The following VPS41 variants were observed in gnomAD, a reference collection of about 807,000 sequenced individuals.
VPS41 encodes vacuolar protein sorting-associated protein 41 homolog.
In VPS41, 85 loss-of-function variants were observed where a neutral mutation model predicts 130.9. The observed-to-expected ratio is 0.65, with a 90% CI of 0.55 to 0.78. The LOEUF (loss-of-function observed/expected upper bound fraction) is 0.78. VPS41 is among the 30% of genes least tolerant of loss of function. VPS41 has a pLI of 0.00. For synonymous variants in VPS41, 335 were observed against 332.9 expected (o/e 1.01, Z -0.07); for missense variants, 874 against 1,018.7 (o/e 0.86, Z 1.93).
At chr7:38,809,443 A>T (rs1784900864) in intron 7 of VPS41, among the ~76,000 whole-genome samples, 2 of 151,118 alleles carry the variant, frequency 1.3e-5, no homozygotes, top group African/African-American at 2.4e-5. Flanking sequence ...TGGGCAAAAG[A>T]AATAAAATTT....
chr7:38,843,331 C>T (rs1259036738), intron 4 of VPS41, among the ~76,000 whole-genome samples: 1 of 152,122 alleles, frequency 6.6e-6, no homozygotes, highest in East Asian at 1.9e-4. Context: ...TCAGAATTAA[C>T]ATGAGTATGC....
In VPS41 at chr7:38,756,992, C is replaced by T; in HGVS notation, c.1551-10G>A. 1 of 1,574,014 alleles carries T rather than the reference C, an allele frequency of 6.4e-7. No individual in the cohort carries two copies. The highest frequency in any genetic ancestry group is 8.7e-7 in the Non-Finnish European group (1 of 1,148,258). On this transcript the variant is annotated splice_polypyrimidine_tract_variant and intron_variant, in intron 18 of 28. Coordinates refer to ENST00000310301, the MANE Select transcript of VPS41 (RefSeq NM_014396.4). ...CTTGTCATAGGTGTACCTGGTAATA[C>T]AAATTTTTTACATTAATATTCATCA...
intron 7 of VPS41, among the ~76,000 whole-genome samples, chr7:38,804,568 C>T (rs1784802416): frequency 6.6e-6 from 1 of 152,190 alleles, no homozygotes; most frequent in South Asian, 2.1e-4. Flanking sequence ...ACGATCAATT[C>T]AGCAACCAAG....
At chr7:38,859,489 C>T (rs866210803) in intron 4 of VPS41, among the ~76,000 whole-genome samples, 11 of 152,044 alleles carry the variant, frequency 7.2e-5, no homozygotes, top group South Asian at 2.1e-4. Flanking sequence ...ATCTTTTATA[C>T]CATATTTTTA....
At chr7:38,866,795 A>G (rs1188917603) in intron 3 of VPS41, among the ~76,000 whole-genome samples, 1 of 152,232 alleles carries the variant, frequency 6.6e-6, no homozygotes, top group Non-Finnish European at 1.5e-5. Flanking sequence ...GGAGGCAAAC[A>G]AAGGAAAGTG....
intron 4 of VPS41, chr7:38,831,189 G>C (rs544187977): frequency 4.3e-6 from 2 of 470,396 alleles, no homozygotes; most frequent in Non-Finnish European, 8.8e-6. Context: ...ATCGATTTTA[G>C]TCTTGGCAAA....
chr7:38,821,115 A>G, intron 6 of VPS41, 88 bp downstream of exon 6: 2 of 957,906 alleles, frequency 2.1e-6, no homozygotes, highest in Non-Finnish European at 3.3e-6. Context: ...CAAAATTAAT[A>G]CAGAAGTGGT....
rs560574763 is a variant in VPS41, at chr7:38,723,308, A to G, written c.*2938T>C. On this transcript the variant is annotated 3_prime_UTR_variant, in exon 29 of 29. Transcript: ENST00000310301. ...GCAAAATGAACTACAAATCTGTTGGAAACTTCTCAAAAATTCTCAAGGATG... is the reference window on the plus strand; with the variant it reads ...GCAAAATGAACTACAAATCTGTTGGGAACTTCTCAAAAATTCTCAAGGATG... 2 of 152,350 alleles carry G rather than the reference A, an allele frequency of 1.3e-5. No homozygotes were observed. The highest frequency in any genetic ancestry group is 3.4e-3 in the Middle Eastern group (1 of 294). The allele number at this position is 152,350 out of a possible 1,614,324, so 9.4% of individuals were successfully genotyped here. A position where few individuals can be genotyped will look rare whatever the true frequency, so the allele number is the denominator to read the frequency against.
At chr7:38,735,503 G>T (rs1795745752) in intron 25 of VPS41, among the ~76,000 whole-genome samples, 1 of 152,032 alleles carries the variant, frequency 6.6e-6, no homozygotes, top group Non-Finnish European at 1.5e-5. Context: ...GTGTCTCTGT[G>T]TGTGTACATG....
Position 38,772,570 on chromosome 7 carries a change from T to C in VPS41, c.1080A>G (p.Arg360=). The C allele has an allele frequency of 6.2e-7, 1 of 1,613,772 alleles. No homozygotes were observed. Among genetic ancestry groups the C allele is most frequent in the African/African-American group, 1.3e-5 (1 of 75,054 alleles). ...GCCAGTCAATGTGATCATCTTGGTC[T>C]CGTTCCTTGGCCACTACAACATCTC... ...SPRDVVVAKE[R]DQDDHIDWLL... Residue 360 remains arginine, a synonymous_variant, in exon 13 of 29, where the codon CGA becomes CGG. Coordinates refer to ENST00000310301, the MANE Select transcript of VPS41 (RefSeq NM_014396.4).
Position 38,767,442 on chromosome 7 carries a change from A to G in VPS41, c.1247+95T>C. The G allele has an allele frequency of 5.4e-6, 4 of 735,268 alleles. No individual in the cohort carries two copies. In the South Asian group the frequency reaches 7.8e-5, roughly 14 times the overall value. The allele number at this position is 735,268 out of a possible 1,614,324, so 45.5% of individuals were successfully genotyped here. ...ACCCTCGTTAGAAAGATGTACAAAA[A>G]TAAAATGTCAACTGCAAAGAATGGC... On this transcript the variant is annotated intron_variant, in intron 15 of 28. Transcript: ENST00000310301.
At chr7:38,751,401 G>A (rs940118571) in intron 22 of VPS41, among the ~76,000 whole-genome samples, 8 of 152,202 alleles carry the variant, frequency 5.3e-5, no homozygotes, top group Non-Finnish European at 1.2e-4. Context: ...ACATAATACT[G>A]TTGGCTTTTA....
intron 7 of VPS41, among the ~76,000 whole-genome samples, chr7:38,809,222 C>T (rs1178293647): frequency 6.6e-6 from 1 of 151,396 alleles, no homozygotes; most frequent in Admixed American, 6.6e-5. Context: ...TGGTGGCTGA[C>T]GCCTGTAATC....
chr7:38,830,679 A>G (rs1180526620), intron 4 of VPS41, among the ~76,000 whole-genome samples: 2 of 152,194 alleles, frequency 1.3e-5, no homozygotes, highest in Non-Finnish European at 2.9e-5. Flanking sequence ...AGACCTCAAA[A>G]AGGCCACCCA....
intron 4 of VPS41, among the ~76,000 whole-genome samples, chr7:38,840,431 T>C (rs1234197325): frequency 2.6e-5 from 4 of 152,138 alleles, no homozygotes; most frequent in Non-Finnish European, 5.9e-5. Flanking sequence ...TACAATATGC[T>C]TCCCCTTAGG....
rs4236355 is a variant in VPS41 at position 38,776,887 on chromosome 7, G to A, written c.785-111C>T. The A allele has an allele frequency of 0.61, 345,613 of 567,570 alleles. 110,589 individuals carry two copies. The highest frequency in any genetic ancestry group is 0.91 in the East Asian group (32,467 of 35,790). The allele number at this position is 567,570 out of a possible 1,614,324, so 35.2% of individuals were successfully genotyped here. A position where few individuals can be genotyped will look rare whatever the true frequency, so the allele number is the denominator to read the frequency against. ...AGTGGACCCCTTTTTAAAAGCTAACGTAAAGGGGACACCGTTGAACATACT... is the reference window on the plus strand; with the variant it reads ...AGTGGACCCCTTTTTAAAAGCTAACATAAAGGGGACACCGTTGAACATACT... On this transcript the variant is annotated intron_variant, in intron 10 of 28. Coordinates refer to ENST00000310301, the MANE Select transcript of VPS41 (RefSeq NM_014396.4).
At chr7:38,796,116 G>C (rs1784613205) in intron 8 of VPS41, among the ~76,000 whole-genome samples, 1 of 152,156 alleles carries the variant, frequency 6.6e-6, no homozygotes, top group Non-Finnish European at 1.5e-5. Flanking sequence ...GGAGAAGTAA[G>C]AAAAGTCCAG....
At chr7:38,764,220 A>T (rs1304872908) in intron 16 of VPS41, among the ~76,000 whole-genome samples, 1 of 152,200 alleles carries the variant, frequency 6.6e-6, no homozygotes, top group Non-Finnish European at 1.5e-5. Flanking sequence ...GCAGCAGCAG[A>T]GGAGAACCAT....
At position 38,783,280 on chromosome 7, in the gene VPS41, T is replaced by C. The variant is rs372876734; in HGVS notation, c.785-6504A>G. On this transcript the variant is annotated intron_variant, in intron 10 of 28. Coordinates refer to ENST00000310301, the MANE Select transcript of VPS41 (RefSeq NM_014396.4). ...GGCCAGGTGTGGTGGCTCACGCTTG[T>C]AATCCCAGCACTTTGGGAGGCCAAG... Among the ~76,000 whole-genome samples, 3 of 152,226 alleles carry C rather than the reference T, an allele frequency of 2.0e-5. 1 individual carries two copies. Among genetic ancestry groups the C allele is most frequent in the East Asian group, 1.9e-4 (1 of 5,174 alleles).
Sources: gnomAD v4.1 joint callset for allele counts (sites outside exome capture counted in the v4.1 genomes callset) on GRCh38, gnomAD v4.1.1 for gene constraint, MANE v1.5 for transcripts, NCBI Gene and HGNC (gene_info 2026-07-23, HGNC 2026-07-21) for gene names.